Variants in GMDS observed in about 807,000 individuals in gnomAD.
GMDS encodes the protein GDP-mannose 4,6 dehydratase.
Under a neutral mutation model 49.9 loss-of-function variants are expected in GMDS, and 20 were observed. That is an observed-to-expected ratio of 0.40 (90% confidence interval 0.28 to 0.58). The LOEUF is 0.58. GMDS is among the 20% of genes least tolerant of loss of function. The probability of loss-of-function intolerance (pLI) is 0.42; values close to 1 mark genes in which losing one functional copy is unlikely to be tolerated. For synonymous variants in GMDS, 177 were observed against 178.6 expected (o/e 0.99, Z 0.07); for missense variants, 362 against 481.4 (o/e 0.75, Z 2.32).
At chr6:2,148,082 G>A (rs1469486402) in intron 1 of GMDS, among the ~76,000 whole-genome samples, 1 of 152,000 alleles carries the variant, frequency 6.6e-6, no homozygotes, top group Non-Finnish European at 1.5e-5. Flanking sequence ...CCTGTGTTTT[G>A]AAACACATTT....
chr6:1,793,708 C>T (rs1486978687), intron 7 of GMDS, among the ~76,000 whole-genome samples: 1 of 152,192 alleles, frequency 6.6e-6, no homozygotes, highest in Non-Finnish European at 1.5e-5. Flanking sequence ...CCTTTTCCTT[C>T]ATTCTCTGCA....
intron 4 of GMDS, among the ~76,000 whole-genome samples, chr6:2,048,033 A>G (rs1770132166): frequency 6.6e-6 from 1 of 152,204 alleles, no homozygotes; most frequent in African/African-American, 2.4e-5. Flanking sequence ...TGTATGGTGC[A>G]ATCACTCTGA....
intron 1 of GMDS, among the ~76,000 whole-genome samples, chr6:2,209,672 CATT>C (rs756203896): frequency 2.4e-4 from 36 of 151,916 alleles, no homozygotes; most frequent in Non-Finnish European, 4.3e-4. Flanking sequence ...CTATGTTTAG[CATT>C]ATCAAACGTG....
intron 9 of GMDS, among the ~76,000 whole-genome samples, chr6:1,674,832 G>A (rs780582697): frequency 1.1e-4 from 16 of 151,450 alleles, no homozygotes; most frequent in Non-Finnish European, 1.8e-4. Flanking sequence ...TTGCAGGTGT[G>A]AGCCAACATG....
chr6:1,995,998 G>C (rs1766253168), intron 4 of GMDS, among the ~76,000 whole-genome samples: 1 of 152,188 alleles, frequency 6.6e-6, no homozygotes, highest in Admixed American at 6.5e-5. Context: ...TGGAGGGGAA[G>C]GCTATACCAC....
chr6:1,952,086 G>A (rs1763367567), intron 6 of GMDS: 3 of 660,532 alleles, frequency 4.5e-6, no homozygotes, highest in African/African-American at 2.0e-5. Flanking sequence ...TTGGCTTCAC[G>A]ACCTTGGACA....
intron 6 of GMDS, among the ~76,000 whole-genome samples, chr6:1,935,930 C>A (rs1424047730): frequency 2.6e-5 from 4 of 152,010 alleles, no homozygotes; most frequent in Non-Finnish European, 5.9e-5. Context: ...AAAGAAAATC[C>A]CCAGGTGAAG....
intron 7 of GMDS, among the ~76,000 whole-genome samples, chr6:1,759,635 G>C (rs1486669225): frequency 6.6e-6 from 1 of 152,172 alleles, no homozygotes; most frequent in Non-Finnish European, 1.5e-5. Flanking sequence ...AGACCACGTA[G>C]GAACAGACAG....
chr6:1,673,987 A>C (rs1486163096), intron 9 of GMDS, among the ~76,000 whole-genome samples: 2 of 81,634 alleles, frequency 2.4e-5, no homozygotes, highest in Non-Finnish European at 6.2e-5. Flanking sequence ...ATGCTGCTAT[A>C]AACATCTATG....
intron 4 of GMDS, among the ~76,000 whole-genome samples, chr6:1,970,517 C>A (rs963090892): frequency 1.3e-5 from 2 of 152,152 alleles, no homozygotes; most frequent in East Asian, 3.9e-4. Context: ...AGGCGCTACC[C>A]GACCAGGAGC....
chr6:2,208,675 T>A (rs1034510306), intron 1 of GMDS, among the ~76,000 whole-genome samples: 4 of 152,186 alleles, frequency 2.6e-5, no homozygotes, highest in Non-Finnish European at 2.9e-5. Context: ...AAGAGCTCAA[T>A]GTAGCTGAAA....
chr6:1,747,851 T>C (rs1767571817), intron 7 of GMDS, among the ~76,000 whole-genome samples: 1 of 152,198 alleles, frequency 6.6e-6, no homozygotes, highest in Non-Finnish European at 1.5e-5. Context: ...TATGGCTATG[T>C]CTATTTTCTT....
At chr6:1,743,385 CAA>C (rs545641147) in intron 7 of GMDS, among the ~76,000 whole-genome samples, 38 of 120,404 alleles carry the variant, frequency 3.2e-4, no homozygotes, top group Middle Eastern at 4.4e-3. Context: ...ACTAAAAATA[CAA>C]AAAAAATTAG....
At position 1,831,466 on chromosome 6, in the gene GMDS, A is replaced by G. The variant is rs1581233582; in HGVS notation, c.772-88880T>C. 3.9e-5 allele frequency among the ~76,000 whole-genome samples: 6 copies of G among 152,364 alleles called. No individual in the cohort carries two copies. In the South Asian group the frequency reaches 1.2e-3, roughly 32 times the overall value. ...TTTTAAGTATTTTAGGTAAGGTTATAAAGTTTTTAGCAAAGGGACTAAAGA... is the reference window on the plus strand; with the variant it reads ...TTTTAAGTATTTTAGGTAAGGTTATGAAGTTTTTAGCAAAGGGACTAAAGA... On this transcript the variant is annotated intron_variant, in intron 7 of 10. Coordinates refer to ENST00000380815, the MANE Select transcript of GMDS (RefSeq NM_001500.4).
At chr6:2,067,596 C>T (rs1771693125) in intron 4 of GMDS, among the ~76,000 whole-genome samples, 2 of 151,812 alleles carry the variant, frequency 1.3e-5, no homozygotes, top group Non-Finnish European at 2.9e-5. Context: ...ACCACCGATC[C>T]CACAGAAATA....
chr6:1,991,322 G>T (rs2127363430), intron 4 of GMDS, among the ~76,000 whole-genome samples: 1 of 152,134 alleles, frequency 6.6e-6, no homozygotes, highest in East Asian at 1.9e-4. Context: ...TCATATAAGT[G>T]CTCAAGGGCC....
intron 7 of GMDS, among the ~76,000 whole-genome samples, chr6:1,755,880 C>T (rs1204798234): frequency 6.6e-6 from 1 of 152,140 alleles, no homozygotes; most frequent in Non-Finnish European, 1.5e-5. Flanking sequence ...ACACCAAAAG[C>T]AATGGAAACA....
intron 8 of GMDS, among the ~76,000 whole-genome samples, chr6:1,731,054 A>G (rs1357189888): frequency 6.6e-6 from 1 of 152,166 alleles, no homozygotes; most frequent in African/African-American, 2.4e-5. Flanking sequence ...TATCAAACAA[A>G]CAAGAACAGG....
At chr6:2,028,563 G>A (rs1427697939) in intron 4 of GMDS, among the ~76,000 whole-genome samples, 1 of 152,170 alleles carries the variant, frequency 6.6e-6, no homozygotes, top group Non-Finnish European at 1.5e-5. Flanking sequence ...ACCTTTAAGG[G>A]TTTACAAAGG....
Sources: allele counts gnomAD v4.1 joint callset (sites outside exome capture counted in the v4.1 genomes callset), GRCh38; gene constraint gnomAD v4.1.1; transcripts MANE v1.5; gene names NCBI Gene and HGNC (gene_info 2026-07-23, HGNC 2026-07-21).